THADA: variants seen among roughly 807,000 people sequenced by gnomAD.
THADA encodes the protein tRNA (32-2'-O)-methyltransferase regulator THADA.
THADA carries 213 observed loss-of-function variants against 219.8 expected under a neutral mutation model. The observed-to-expected ratio is 0.97, with a 90% CI of 0.87 to 1.09. The LOEUF is 1.09. Among genes scored for constraint, THADA ranks in the 50% least tolerant of loss-of-function variants. THADA has a pLI of 0.00. For missense variants in THADA, 2,956 were observed against 2,311.3 expected (o/e 1.28, Z -5.72); for synonymous variants, 1,018 against 828.9 (o/e 1.23, Z -3.92).
chr2:43,344,909 G>A (rs1667474129), intron 29 of THADA, among the ~76,000 whole-genome samples: 2 of 152,226 alleles, frequency 1.3e-5, no homozygotes, highest in African/African-American at 4.8e-5. Context: ...CATCCGCAAA[G>A]CCTCTGTGAG....
At chr2:43,275,645 T>A (rs1387826315) in intron 36 of THADA, among the ~76,000 whole-genome samples, 1 of 152,136 alleles carries the variant, frequency 6.6e-6, no homozygotes, top group African/African-American at 2.4e-5. Context: ...TGCATCAGAG[T>A]GAAAGAGCTC....
At chr2:43,349,774 C>T (rs761458731) in intron 29 of THADA, among the ~76,000 whole-genome samples, 14 of 152,178 alleles carry the variant, frequency 9.2e-5, no homozygotes, top group Non-Finnish European at 2.1e-4. Context: ...ACCTCAAATT[C>T]TGAAGATTAA....
At chr2:43,386,872 T>C (rs1184660170) in intron 29 of THADA, among the ~76,000 whole-genome samples, 1 of 143,184 alleles carries the variant, frequency 7.0e-6, no homozygotes, top group Admixed American at 7.3e-5. Flanking sequence ...CACTCTCGCC[T>C]GGGCTACAGA....
intron 29 of THADA, among the ~76,000 whole-genome samples, chr2:43,358,159 A>G (rs1474468249): frequency 1.3e-5 from 2 of 152,188 alleles, no homozygotes; most frequent in Admixed American, 6.5e-5. Context: ...TATAATGACT[A>G]CCACAATCAA....
Position 43,239,653 on chromosome 2 carries a change from A to G in THADA, c.5297-6771T>C, listed in dbSNP as rs556449967. On this transcript the variant is annotated intron_variant, in intron 36 of 37. Coordinates refer to ENST00000405975, the MANE Select transcript of THADA (RefSeq NM_022065.5). The stretch of plus-strand genomic sequence containing the variant: ...TTATGGGGGAGATGACTTCTAGACT[A>G]AGGCCATTGGTCAAGTCTGCCTTCT... 3.3e-5 allele frequency among the ~76,000 whole-genome samples: 5 copies of G among 152,356 alleles called. No individual in the cohort carries two copies. The South Asian group carries it at 1.0e-3, about 32-fold the overall frequency.
rs185513814 is a variant in THADA at position 43,289,860 on chromosome 2, C to T, written c.5010+1836G>A. Among the ~76,000 whole-genome samples, 393 of 151,942 alleles carry T rather than the reference C, an allele frequency of 2.6e-3. 1 individual carries two copies. Among genetic ancestry groups the T allele is most frequent in the African/African-American group, 9.2e-3 (381 of 41,450 alleles). ...TAGAGCTGGGGTTTTGCCATGTTGGCCAGGTTGGTCTCAAACTCCTGACCT... is the reference window on the plus strand; with the variant it reads ...TAGAGCTGGGGTTTTGCCATGTTGGTCAGGTTGGTCTCAAACTCCTGACCT... On this transcript the variant is annotated intron_variant, in intron 34 of 37. Coordinates refer to ENST00000405975, the MANE Select transcript of THADA (RefSeq NM_022065.5).
chr2:43,531,516 G>A (rs1693869132), intron 21 of THADA, among the ~76,000 whole-genome samples: 1 of 152,202 alleles, frequency 6.6e-6, no homozygotes, highest in Non-Finnish European at 1.5e-5. Flanking sequence ...TAGTGGGCTT[G>A]GCAGTGTAGT....
rs574690083 is a variant in THADA at position 43,536,968 on chromosome 2, G to A, written c.3264+4191C>T. Among the ~76,000 whole-genome samples, 4 of 152,248 alleles carry A rather than the reference G, an allele frequency of 2.6e-5. No individual in the cohort carries two copies. The East Asian group carries it at 7.7e-4, about 29-fold the overall frequency. ...TTTATTTTATACTATAAAGTAGTGA[G>A]CCTTAATCCCTAAGCCTTAATTTGA... On this transcript the variant is annotated intron_variant, in intron 21 of 37. Coordinates refer to ENST00000405975, the MANE Select transcript of THADA (RefSeq NM_022065.5).
intron 30 of THADA, among the ~76,000 whole-genome samples, chr2:43,342,107 C>T (rs1667126037): frequency 6.6e-6 from 1 of 152,114 alleles, no homozygotes; most frequent in Non-Finnish European, 1.5e-5. Flanking sequence ...CCCAGCTGCT[C>T]AGGGGACTGA....
At chr2:43,563,487 T>C (rs1172133272) in intron 15 of THADA, 1 of 152,202 alleles carries the variant, frequency 6.6e-6, no homozygotes, top group African/African-American at 2.4e-5. Flanking sequence ...ATCTACATAA[T>C]GTACTAATAT....
chr2:43,346,436 T>C (rs894502587), intron 29 of THADA, among the ~76,000 whole-genome samples: 4 of 152,100 alleles, frequency 2.6e-5, no homozygotes, highest in African/African-American at 9.7e-5. Flanking sequence ...GGGCAATTTG[T>C]CCACCAGCTC....
In THADA at chr2:43,587,245, C is replaced by T. The variant is rs183617013; in HGVS notation, c.303-243G>A. On this transcript the variant is annotated intron_variant, in intron 4 of 37. Transcript: ENST00000405975. ...TCTCAACAGAACAGGCAGAGTGACACCGTTAAAACACCATGTCACTTCTCT... is the reference window on the plus strand; with the variant it reads ...TCTCAACAGAACAGGCAGAGTGACATCGTTAAAACACCATGTCACTTCTCT... 8.5e-4 allele frequency among the ~76,000 whole-genome samples: 129 copies of T among 152,312 alleles called. 1 individual carries two copies. The highest frequency in any genetic ancestry group is 3.0e-3 in the African/African-American group (124 of 41,574).
chr2:43,481,580 C>T (rs1686232262), intron 26 of THADA, among the ~76,000 whole-genome samples: 1 of 152,182 alleles, frequency 6.6e-6, no homozygotes, highest in Non-Finnish European at 1.5e-5. Context: ...CTAATGTGTT[C>T]ATCACTCACA....
Position 43,447,210 on chromosome 2 carries a change from G to A in THADA, c.3837-16908C>T, listed in dbSNP as rs146934186. 5.3e-3 allele frequency among the ~76,000 whole-genome samples: 806 copies of A among 152,198 alleles called. 6 individuals are homozygous for A. The highest frequency in any genetic ancestry group is 0.018 in the African/African-American group (757 of 41,524). ...CCCATGATTCAATTACCTCCCACCA[G>A]TTCCGTCCTACGATGCATGGGGATT... On this transcript the variant is annotated intron_variant, in intron 26 of 37. Coordinates refer to ENST00000405975, the MANE Select transcript of THADA (RefSeq NM_022065.5).
rs1225795608 is a variant in THADA at position 43,425,442 on chromosome 2, T to TTG, written c.4058+2656_4058+2657dup. 6.6e-4 allele frequency among the ~76,000 whole-genome samples: 75 copies of TTG among 112,876 alleles called. No individual in the cohort carries two copies. In the South Asian group the frequency reaches 0.01, roughly 15 times the overall value. 74.1% of individuals were successfully genotyped at this position (112,876 alleles called of 152,430 possible). The stretch of plus-strand genomic sequence containing the variant: ...GCTACTACTGTCTAGCTTGTTAAAA[T>TTG]TGTATGTGTGTGTGTGTGTGTGTGT... On this transcript the variant is annotated intron_variant, in intron 28 of 37. Transcript: ENST00000405975.
chr2:43,385,999 T>C (rs986953885), intron 29 of THADA, among the ~76,000 whole-genome samples: 7 of 151,928 alleles, frequency 4.6e-5, no homozygotes, highest in African/African-American at 1.7e-4. Context: ...GCATCCCAAA[T>C]AGGAAAATGA....
At chr2:43,456,891 C>A in intron 26 of THADA, among the ~76,000 whole-genome samples, 1 of 152,078 alleles carries the variant, frequency 6.6e-6, no homozygotes, top group East Asian at 1.9e-4. Flanking sequence ...TTCAAACTTA[C>A]AATGCAAATA....
chr2:43,506,987 TTA>T (rs1193989406), intron 23 of THADA, among the ~76,000 whole-genome samples: 28 of 152,278 alleles, frequency 1.8e-4, no homozygotes, highest in Non-Finnish European at 4.4e-5. Flanking sequence ...CAAAAAAACT[TTA>T]TGTCTATATT....
intron 30 of THADA, chr2:43,333,117 T>C (rs1665980143): frequency 6.6e-6 from 1 of 152,208 alleles, no homozygotes; most frequent in Non-Finnish European, 1.5e-5. Context: ...GAGGCTGTAT[T>C]TGTAAAAGGG....
Sources: allele counts gnomAD v4.1 joint callset (sites outside exome capture counted in the v4.1 genomes callset), GRCh38; gene constraint gnomAD v4.1.1; transcripts MANE v1.5; gene names NCBI Gene and HGNC (gene_info 2026-07-23, HGNC 2026-07-21).